PTPRG: variants seen among roughly 807,000 people sequenced by gnomAD.
PTPRG encodes protein tyrosine phosphatase receptor type G.
A neutral mutation model predicts 165.3 loss-of-function variants in PTPRG; 102 were observed. That is an observed-to-expected ratio of 0.62 (90% CI 0.53 to 0.73). The LOEUF (loss-of-function observed/expected upper bound fraction) is 0.73, where lower values mean the gene tolerates loss of function less well. Among genes scored for constraint, PTPRG ranks in the 30% least tolerant of loss-of-function variants. The pLI, the probability that PTPRG is intolerant of heterozygous loss-of-function variation, is 0.00. For missense variants in PTPRG, 1,866 were observed against 1,861.4 expected (o/e 1.00, Z -0.05); for synonymous variants, 675 against 669.5 (o/e 1.01, Z -0.13).
At chr3:62,025,649 G>C (rs948299775) in intron 4 of PTPRG, among the ~76,000 whole-genome samples, 2 of 151,902 alleles carry the variant, frequency 1.3e-5, no homozygotes, top group African/African-American at 4.8e-5. Context: ...TTTCCCTCAG[G>C]TATCTACCTG....
At position 62,217,070 on chromosome 3, in the gene PTPRG, G is replaced by A. The variant is rs908197054; in HGVS notation, c.2156-1781G>A. On this transcript the variant is annotated intron_variant, in intron 12 of 29. Transcript: ENST00000474889. The surrounding 1 kb of genome is among the most constrained non-coding windows in gnomAD (Gnocchi z 4.3). ...CCATTTAAAAGATTCCTCCCCATGGGTACAGCAGTGCTACTATCTGATGTA... is the reference window on the plus strand; with the variant it reads ...CCATTTAAAAGATTCCTCCCCATGGATACAGCAGTGCTACTATCTGATGTA... Among the ~76,000 whole-genome samples the A allele has an allele frequency of 6.6e-6, 1 of 152,118 alleles. No homozygotes were observed. The highest frequency in any genetic ancestry group is 2.4e-5 in the African/African-American group (1 of 41,392).
intron 2 of PTPRG, among the ~76,000 whole-genome samples, chr3:61,854,174 C>T (rs193123003): frequency 6.6e-6 from 1 of 152,302 alleles, no homozygotes; most frequent in East Asian, 1.9e-4. Flanking sequence ...GTACTACACA[C>T]ATGCACAACA....
Position 61,772,177 on chromosome 3 carries a change from C to G in PTPRG, c.190+23195C>G, listed in dbSNP as rs147428571. Among the ~76,000 whole-genome samples, 3 of 151,674 alleles carry G rather than the reference C, an allele frequency of 2.0e-5. No individual in the cohort carries two copies. The East Asian group carries it at 5.8e-4, about 29-fold the overall frequency. Reference sequence around the variant, plus strand: ...CCAACCAGGGACAAACTCAGGACTTCCTGGGAAATTATACAGTTGAGGGAG... The same window carrying G: ...CCAACCAGGGACAAACTCAGGACTTGCTGGGAAATTATACAGTTGAGGGAG... On this transcript the variant is annotated intron_variant, in intron 2 of 29. Coordinates refer to ENST00000474889, the MANE Select transcript of PTPRG (RefSeq NM_002841.4).
intron 2 of PTPRG, among the ~76,000 whole-genome samples, chr3:61,785,901 C>T (rs1337886422): frequency 6.6e-6 from 1 of 152,074 alleles, no homozygotes; most frequent in Non-Finnish European, 1.5e-5. Context: ...GAAGTAGGGC[C>T]ACTTCTCTCC....
intron 5 of PTPRG, among the ~76,000 whole-genome samples, chr3:62,117,282 G>T (rs752124016): frequency 1.3e-5 from 2 of 152,204 alleles, no homozygotes; most frequent in African/African-American, 4.8e-5. Flanking sequence ...TTCCCAGCTA[G>T]CTCACAAACT....
chr3:61,722,736 T>G (rs1478009993), intron 1 of PTPRG, among the ~76,000 whole-genome samples: 1 of 152,268 alleles, frequency 6.6e-6, no homozygotes, highest in African/African-American at 2.4e-5. Flanking sequence ...TTTTATGTTA[T>G]GTCTGTTTAT....
At chr3:61,643,824 C>A (rs1182236035) in intron 1 of PTPRG, among the ~76,000 whole-genome samples, 2 of 151,978 alleles carry the variant, frequency 1.3e-5, no homozygotes, top group South Asian at 2.1e-4. Context: ...GGACAGTCAG[C>A]AAATGCTTAT....
At chr3:62,118,881 C>G (rs1270252191) in intron 5 of PTPRG, among the ~76,000 whole-genome samples, 1 of 152,194 alleles carries the variant, frequency 6.6e-6, no homozygotes, top group Non-Finnish European at 1.5e-5. Context: ...TCCCAGAACT[C>G]TTTGAACTCT....
chr3:61,829,823 C>T (rs2036221594), intron 2 of PTPRG, among the ~76,000 whole-genome samples: 1 of 152,094 alleles, frequency 6.6e-6, no homozygotes, highest in African/African-American at 2.4e-5. Context: ...GCTGGTGTAA[C>T]ATGGTCCTGA....
chr3:61,887,164 A>G lies in PTPRG; in HGVS notation c.191-102461A>G, dbSNP rs553702752. Among the ~76,000 whole-genome samples, 38 of 128,230 alleles carry G rather than the reference A, an allele frequency of 3.0e-4. 3 individuals are homozygous for G. Among genetic ancestry groups the G allele is most frequent in the African/African-American group, 1.1e-3 (35 of 30,792 alleles). 84.1% of individuals were successfully genotyped at this position (128,230 alleles called of 152,430 possible). ...TATATATATATATATATATATATAT[A>G]TATATATTTTTAATGCCATCATCAA... On this transcript the variant is annotated intron_variant, in intron 2 of 29. Coordinates refer to ENST00000474889, the MANE Select transcript of PTPRG (RefSeq NM_002841.4).
At chr3:61,588,354 A>G (rs531073464) in intron 1 of PTPRG, among the ~76,000 whole-genome samples, 2 of 152,232 alleles carry the variant, frequency 1.3e-5, no homozygotes, top group African/African-American at 4.8e-5. Flanking sequence ...ATCATAAAAC[A>G]TTCCAGAAAT....
intron 1 of PTPRG, among the ~76,000 whole-genome samples, chr3:61,682,168 G>C (rs1440658456): frequency 1.9e-5 from 1 of 52,012 alleles, no homozygotes; most frequent in Non-Finnish European, 4.3e-5. Flanking sequence ...AAAAAAAAAA[G>C]TGAACTGGTA....
chr3:61,768,894 T>G (rs148750818), intron 2 of PTPRG, among the ~76,000 whole-genome samples: 279 of 152,278 alleles, frequency 1.8e-3, no homozygotes, highest in African/African-American at 6.3e-3. Context: ...GCTGCTGTTG[T>G]GAGGTGTGGT....
chr3:62,212,110 C>T (rs1032497160), intron 12 of PTPRG, among the ~76,000 whole-genome samples: 4 of 152,176 alleles, frequency 2.6e-5, no homozygotes, highest in South Asian at 2.1e-4. Context: ...CTCCTGCATA[C>T]GCTCAGAGAG....
At chr3:61,730,286 G>GTCTCAAACCA (rs1342150123) in intron 1 of PTPRG, among the ~76,000 whole-genome samples, 1 of 152,150 alleles carries the variant, frequency 6.6e-6, no homozygotes, top group Non-Finnish European at 1.5e-5. Flanking sequence ...AGACCTTTAT[G>GTCTCAAACCA]GCTCAAACCA....
intron 2 of PTPRG, among the ~76,000 whole-genome samples, chr3:61,814,513 G>A (rs1259306607): frequency 4.6e-5 from 7 of 151,762 alleles, no homozygotes; most frequent in Non-Finnish European, 7.4e-5. Flanking sequence ...TAGTAGCCCC[G>A]TATGTTTTCT....
At chr3:61,708,188 C>T (rs2031358858) in intron 1 of PTPRG, among the ~76,000 whole-genome samples, 1 of 152,008 alleles carries the variant, frequency 6.6e-6, no homozygotes, top group South Asian at 2.1e-4. Flanking sequence ...CCTTTCTGCA[C>T]ATCTCAGCCA....
At chr3:61,929,766 C>T (rs931968736) in intron 2 of PTPRG, among the ~76,000 whole-genome samples, 4 of 152,304 alleles carry the variant, frequency 2.6e-5, no homozygotes, top group East Asian at 1.9e-4. Flanking sequence ...GGAGCAAGAG[C>T]GAGCAGTGGG....
intron 17 of PTPRG, among the ~76,000 whole-genome samples, chr3:62,266,743 G>C (rs1428516638): frequency 2.0e-5 from 3 of 149,748 alleles, no homozygotes. Flanking sequence ...TTTCTACCTA[G>C]GGAAAATAAA....
Sources: allele counts gnomAD v4.1 joint callset (sites outside exome capture counted in the v4.1 genomes callset), GRCh38; gene constraint gnomAD v4.1.1; non-coding constraint Gnocchi (gnomAD v3.1); transcripts MANE v1.5; gene names NCBI Gene and HGNC (gene_info 2026-07-23, HGNC 2026-07-21).